PRDM5: variants seen among roughly 807,000 people sequenced by gnomAD.
PRDM5 encodes the protein PR domain zinc finger protein 5.
A neutral mutation model predicts 81.2 loss-of-function variants in PRDM5; 56 were observed. The observed-to-expected ratio is 0.69, with a 90% CI of 0.56 to 0.86. PRDM5 has a LOEUF of 0.86. Among genes scored for constraint, PRDM5 ranks in the 40% least tolerant of loss-of-function variants. The probability of loss-of-function intolerance (pLI) is 0.00; values close to 1 mark genes in which losing one functional copy is unlikely to be tolerated. For missense variants in PRDM5, 697 were observed against 770.1 expected, an observed-to-expected ratio of 0.91 and a Z score of 1.12; for synonymous variants, 267 against 256.4, an observed-to-expected ratio of 1.04 and a Z score of -0.39.
chr4:120,802,425 C>G (rs1752259489), intron 8 of PRDM5, among the ~76,000 whole-genome samples: 2 of 152,220 alleles, frequency 1.3e-5, no homozygotes, highest in South Asian at 4.1e-4. Context: ...GGGTGCCTGA[C>G]TCCCAAGTAG....
At chr4:120,818,327 T>G in intron 5 of PRDM5, 26 bp downstream of exon 5, 1 of 1,604,944 alleles carries the variant, frequency 6.2e-7, no homozygotes, top group Non-Finnish European at 8.5e-7. Flanking sequence ...CTTATAATTT[T>G]AAAGATATTT....
rs955496860 is a variant in PRDM5, at chr4:120,809,935, C to T, written c.945+1435G>A. On this transcript the variant is annotated intron_variant, in intron 8 of 15. Coordinates refer to ENST00000264808, the MANE Select transcript of PRDM5 (RefSeq NM_018699.4). Reference sequence around the variant, plus strand: ...TACCATCACATAGGAGTGTCTGATGCCTGATGATCTGTCACTGTCTCCCAT... The same window carrying T: ...TACCATCACATAGGAGTGTCTGATGTCTGATGATCTGTCACTGTCTCCCAT... Among the ~76,000 whole-genome samples, 9 of 151,134 alleles carry T rather than the reference C, an allele frequency of 6.0e-5. No individual in the cohort carries two copies. In the East Asian group the frequency reaches 8.1e-4, roughly 14 times the overall value.
chr4:120,807,168 T>G (rs1446079011), intron 8 of PRDM5, among the ~76,000 whole-genome samples: 1 of 152,188 alleles, frequency 6.6e-6, no homozygotes, highest in Non-Finnish European at 1.5e-5. Context: ...TCACACCAGT[T>G]AGAATGGCAA....
At chr4:120,703,657 C>A (rs1055472328) in intron 15 of PRDM5, among the ~76,000 whole-genome samples, 1 of 152,166 alleles carries the variant, frequency 6.6e-6, no homozygotes, top group Non-Finnish European at 1.5e-5. Flanking sequence ...TAAATATTAA[C>A]TTGCTCAATC....
intron 2 of PRDM5, among the ~76,000 whole-genome samples, chr4:120,904,044 G>T (rs1000638144): frequency 6.6e-6 from 1 of 151,768 alleles, no homozygotes; most frequent in Non-Finnish European, 1.5e-5. Flanking sequence ...ACAAAAATTA[G>T]CCAGGTGTGG....
chr4:120,718,906 A>G (rs928057931), intron 14 of PRDM5, among the ~76,000 whole-genome samples: 4 of 152,198 alleles, frequency 2.6e-5, no homozygotes, highest in African/African-American at 9.6e-5. Context: ...CTTAACCCTC[A>G]AACTTTCTCT....
intron 10 of PRDM5, among the ~76,000 whole-genome samples, chr4:120,794,558 C>CAT (rs1285461374): frequency 2.4e-4 from 29 of 119,136 alleles, no homozygotes; most frequent in African/African-American, 8.9e-4. Context: ...CACACACACA[C>CAT]ATACAAATAC....
intron 13 of PRDM5, among the ~76,000 whole-genome samples, chr4:120,774,736 T>C (rs989917045): frequency 5.3e-5 from 8 of 151,940 alleles, no homozygotes; most frequent in African/African-American, 1.7e-4. Context: ...AAAGAAGAAC[T>C]GTAAAATGAG....
At chr4:120,722,583 G>A (rs559260952) in intron 14 of PRDM5, among the ~76,000 whole-genome samples, 2 of 152,224 alleles carry the variant, frequency 1.3e-5, no homozygotes, top group East Asian at 3.9e-4. Context: ...TACCCCCAGA[G>A]ATTGTGATTT....
At chr4:120,785,115 A>C in intron 10 of PRDM5, 24 bp from the exon 11 acceptor site, 1 of 1,527,596 alleles carries the variant, frequency 6.5e-7, no homozygotes. Context: ...ACACTGAGTC[A>C]GGAGGATCTA....
At chr4:120,832,134 T>C (rs964215739) in intron 3 of PRDM5, among the ~76,000 whole-genome samples, 3 of 152,124 alleles carry the variant, frequency 2.0e-5, no homozygotes, top group African/African-American at 4.8e-5. Flanking sequence ...TATGAAGAAA[T>C]ACCTGAGACT....
chr4:120,831,543 A>C (rs1487645173), intron 3 of PRDM5, among the ~76,000 whole-genome samples: 1 of 152,140 alleles, frequency 6.6e-6, no homozygotes, highest in Non-Finnish European at 1.5e-5. Flanking sequence ...TAAGAAAATC[A>C]ATTGAATGTT....
At chr4:120,839,133 T>A (rs1757697476) in intron 3 of PRDM5, 3 of 669,652 alleles carry the variant, frequency 4.5e-6, no homozygotes, top group Non-Finnish European at 8.2e-6. Context: ...CTTGGGGAGC[T>A]CCCAGGTCTG....
At chr4:120,813,722 G>A (rs915684088) in intron 7 of PRDM5, among the ~76,000 whole-genome samples, 6 of 152,092 alleles carry the variant, frequency 3.9e-5, no homozygotes, top group African/African-American at 1.4e-4. Context: ...TCATACCTGA[G>A]GCACCATTCA....
chr4:120,698,941 G>T (rs1734904622), intron 15 of PRDM5, among the ~76,000 whole-genome samples: 1 of 151,878 alleles, frequency 6.6e-6, no homozygotes, highest in Non-Finnish European at 1.5e-5. Context: ...GCATGCAACT[G>T]TAGTATCTGT....
chr4:120,857,650 C>G (rs1484096143), intron 2 of PRDM5, among the ~76,000 whole-genome samples: 1 of 151,982 alleles, frequency 6.6e-6, no homozygotes, highest in African/African-American at 2.4e-5. Context: ...TGTGTTTCCA[C>G]CCAGAAAAAG....
intron 2 of PRDM5, among the ~76,000 whole-genome samples, chr4:120,865,460 T>C (rs374024885): frequency 6.6e-6 from 1 of 152,206 alleles, no homozygotes; most frequent in African/African-American, 2.4e-5. Context: ...TTTGTTCTCC[T>C]GTAGGATAAT....
rs572038725 is a variant in PRDM5 at position 120,806,955 on chromosome 4, C to A, written c.945+4415G>T. ...AAATTTTTGCAATCTACTCATCTGA[C>A]AAAGGGCTAATATCCAGAATCTACA... On this transcript the variant is annotated intron_variant, in intron 8 of 15. Transcript: ENST00000264808. Among the ~76,000 whole-genome samples the A allele has an allele frequency of 2.1e-4, 32 of 152,198 alleles. No individual in the cohort carries two copies. In the South Asian group the frequency reaches 5.2e-3, roughly 25 times the overall value.
intron 14 of PRDM5, among the ~76,000 whole-genome samples, chr4:120,715,962 G>T (rs1309897493): frequency 6.6e-6 from 1 of 152,184 alleles, no homozygotes; most frequent in Admixed American, 6.5e-5. Context: ...CACTATCTGG[G>T]TGAGTATCCT....
Sources: gnomAD v4.1 joint callset for allele counts (sites outside exome capture counted in the v4.1 genomes callset) on GRCh38, gnomAD v4.1.1 for gene constraint, MANE v1.5 for transcripts, NCBI Gene and HGNC (gene_info 2026-07-23, HGNC 2026-07-21) for gene names.